The following TMEM184C variants were observed in gnomAD, a reference collection of about 807,000 sequenced individuals.
TMEM184C encodes the protein transmembrane protein 34.
Under a neutral mutation model 54.5 loss-of-function variants are expected in TMEM184C, and 25 were observed. That is an observed-to-expected ratio of 0.46 (90% CI 0.33 to 0.64). The LOEUF (loss-of-function observed/expected upper bound fraction) is 0.64. TMEM184C is among the 30% of genes least tolerant of loss of function. The pLI is 0.02. For synonymous variants in TMEM184C, 148 were observed against 181.5 expected, an observed-to-expected ratio of 0.82 and a Z score of 1.49; for missense variants, 335 against 520.3, an observed-to-expected ratio of 0.64 and a Z score of 3.46.
At chr4:147,629,180 C>T (rs1310528084) in intron 5 of TMEM184C, among the ~76,000 whole-genome samples, 1 of 151,962 alleles carries the variant, frequency 6.6e-6, no homozygotes, top group African/African-American at 2.4e-5. Flanking sequence ...ATAAAATTTA[C>T]CTCCAAGACA....
chr4:147,625,020 T>A lies in TMEM184C; in HGVS notation c.497+11T>A. 6.2e-7 allele frequency: 1 copy of A among 1,612,996 alleles called. No individual in the cohort carries two copies. Among genetic ancestry groups the A allele is most frequent in the Non-Finnish European group, 8.5e-7 (1 of 1,179,434 alleles). On this transcript the variant is annotated intron_variant, in intron 4 of 9. Coordinates refer to ENST00000296582, the MANE Select transcript of TMEM184C (RefSeq NM_018241.3). The stretch of plus-strand genomic sequence containing the variant: ...ATGGGCTATGGGAGAGTAAGTATGT[T>A]TGGTTTAATTCTTTTATGTTTTGGT...
chr4:147,625,150 C>A (rs1732789793), intron 4 of TMEM184C, 141 bp downstream of exon 4: 1 of 749,128 alleles, frequency 1.3e-6, no homozygotes, highest in Non-Finnish European at 2.1e-6. Context: ...TGATGCAGTT[C>A]ATAGTTGTTT....
At position 147,617,917 on chromosome 4, in the gene TMEM184C, A is replaced by G. The variant is rs1193771246; in HGVS notation, c.-40A>G. On this transcript the variant is annotated 5_prime_UTR_variant, in exon 1 of 10. Coordinates refer to ENST00000296582, the MANE Select transcript of TMEM184C (RefSeq NM_018241.3). ...GGCTCCCCATTACAATCTTTTCGAG[A>G]TCTTTTCCCTTGCTAACCGGATCTG... The G allele has an allele frequency of 2.5e-6, 4 of 1,612,172 alleles. No individual in the cohort carries two copies. Among genetic ancestry groups the G allele is most frequent in the Admixed American group, 3.3e-5 (2 of 59,982 alleles).
rs1413756503 is a variant in TMEM184C at position 147,623,882 on chromosome 4, T to C, written c.172T>C (p.Leu58=). 1.2e-6 allele frequency: 2 copies of C among 1,614,060 alleles called. No homozygotes were observed. The highest frequency in any genetic ancestry group is 1.1e-5 in the South Asian group (1 of 91,076). ...AWFIAGIFLL[L]TIPISLWVIL... ...GTTTATTGCTGGAATCTTTTTGCTG[T>C]TGACTATTCCTATATCACTGTGGGT... is the stretch of plus-strand genomic sequence containing the variant. The change falls in exon 2 of 10, where the codon TTG becomes CTG. Residue 58 remains leucine, a synonymous_variant. Transcript: ENST00000296582.
intron 5 of TMEM184C, among the ~76,000 whole-genome samples, chr4:147,629,157 G>A (rs1486375303): frequency 6.6e-6 from 1 of 152,010 alleles, no homozygotes; most frequent in East Asian, 1.9e-4. Context: ...TACTTGAGGG[G>A]ATCTGGGTCT....
chr4:147,624,360 T>C lies in TMEM184C; in HGVS notation c.291+262T>C, dbSNP rs116746187. 4.8e-3 allele frequency among the ~76,000 whole-genome samples: 727 copies of C among 150,200 alleles called. 4 individuals are homozygous for C. The highest frequency in any genetic ancestry group is 8.3e-3 in the Non-Finnish European group (565 of 67,998). On this transcript the variant is annotated intron_variant, in intron 3 of 9. Transcript: ENST00000296582. Reference sequence around the variant, plus strand: ...AAGAATGTAATATTTTAAATTAATATACTACTCTTTTTATTTATTACGTCT... The same window carrying C: ...AAGAATGTAATATTTTAAATTAATACACTACTCTTTTTATTTATTACGTCT...
chr4:147,623,732 C>G lies in TMEM184C; in HGVS notation c.124-102C>G. 3.5e-6 allele frequency: 4 copies of G among 1,146,468 alleles called. No homozygotes were observed. In the East Asian group the frequency reaches 7.5e-5, roughly 21 times the overall value. The allele number at this position is 1,146,468 out of a possible 1,614,324, so 71.0% of individuals were successfully genotyped here. On this transcript the variant is annotated intron_variant, in intron 1 of 9. Coordinates refer to ENST00000296582, the MANE Select transcript of TMEM184C (RefSeq NM_018241.3). ...GCCTCAAGCGATCCTCCCACCTCGG[C>G]CTCCCCAAGTGCTAGGATTATAGGC...
chr4:147,617,855 C>T lies in TMEM184C; in HGVS notation c.-102C>T. The T allele has an allele frequency of 6.5e-7, 1 of 1,550,220 alleles. No homozygotes were observed. Among genetic ancestry groups the T allele is most frequent in the Non-Finnish European group, 8.8e-7 (1 of 1,130,340 alleles). ...GTAAAGTCGCCCGACAGCTTTTTCT[C>T]CGTAGTATGCGAGTTGACAAAACAG... On this transcript the variant is annotated 5_prime_UTR_variant, in exon 1 of 10. Coordinates refer to ENST00000296582, the MANE Select transcript of TMEM184C (RefSeq NM_018241.3).
At chr4:147,633,225 C>T (rs1306310606) in intron 8 of TMEM184C, among the ~76,000 whole-genome samples, 1 of 152,020 alleles carries the variant, frequency 6.6e-6, no homozygotes, top group African/African-American at 2.4e-5. Flanking sequence ...TCTCTTTCCA[C>T]ATTTCTCCTT....
chr4:147,621,435 G>A (rs1289328730), intron 1 of TMEM184C, among the ~76,000 whole-genome samples: 1 of 151,966 alleles, frequency 6.6e-6, no homozygotes, highest in Admixed American at 6.6e-5. Context: ...TCAACTCATG[G>A]CTGATAAAGA....
chr4:147,625,012 A>C lies in TMEM184C; in HGVS notation c.497+3A>C, dbSNP rs762878753. On this transcript the variant is annotated splice_donor_region_variant and intron_variant, in intron 4 of 9. Transcript: ENST00000296582. ...TGTCCACCATGGGCTATGGGAGAGTAAGTATGTTTGGTTTAATTCTTTTAT... is the reference window on the plus strand; with the variant it reads ...TGTCCACCATGGGCTATGGGAGAGTCAGTATGTTTGGTTTAATTCTTTTAT... 1 of 1,613,230 alleles carries C rather than the reference A, an allele frequency of 6.2e-7. No homozygotes were observed. Among genetic ancestry groups the C allele is most frequent in the Non-Finnish European group, 8.5e-7 (1 of 1,179,588 alleles).
chr4:147,634,454 T>C lies in TMEM184C; in HGVS notation c.*20T>C, dbSNP rs748130288. 6.2e-7 allele frequency: 1 copy of C among 1,609,796 alleles called. No homozygotes were observed. The highest frequency in any genetic ancestry group is 2.2e-5 in the East Asian group (1 of 44,836). On this transcript the variant is annotated 3_prime_UTR_variant, in exon 10 of 10. Transcript: ENST00000296582. ...TCCTGAACAGTATGGAAAAGCAAAC[T>C]GTGCAACTACTACATTATATCATTA...
chr4:147,634,138 CTT>C (rs1470618908), intron 9 of TMEM184C, 29 bp from the exon 10 acceptor site: 1 of 1,590,978 alleles, frequency 6.3e-7, no homozygotes, highest in East Asian at 2.2e-5. Flanking sequence ...GTAAAAATAA[CTT>C]TTGACTAACA....
At chr4:147,633,089 G>A in intron 8 of TMEM184C, 87 bp downstream of exon 8, 3 of 1,096,616 alleles carry the variant, frequency 2.7e-6, no homozygotes, top group South Asian at 1.4e-5. Flanking sequence ...CAACACACAG[G>A]GTATGGGGCT....
At position 147,626,527 on chromosome 4, in the gene TMEM184C, A is replaced by G. The variant is rs141678339; in HGVS notation, c.497+1518A>G. 1.7e-3 allele frequency among the ~76,000 whole-genome samples: 253 copies of G among 152,348 alleles called. 1 individual carries two copies. Among genetic ancestry groups the G allele is most frequent in the Middle Eastern group, 3.4e-3 (1 of 294 alleles). On this transcript the variant is annotated intron_variant, in intron 4 of 9. Coordinates refer to ENST00000296582, the MANE Select transcript of TMEM184C (RefSeq NM_018241.3). ...AGACATACAACATAAGAATGGGTGCATTGCCTCCTATGCAGTACAGGACCA... is the reference window on the plus strand; with the variant it reads ...AGACATACAACATAAGAATGGGTGCGTTGCCTCCTATGCAGTACAGGACCA...
Position 147,634,353 on chromosome 4 carries a change from C to CA in TMEM184C, c.1237dup (p.Thr413AsnfsTer3), listed in dbSNP as rs753992313. ...CTGTGACTCCCCAGACTACACCTAC[C>CA]ACAGCTAAGATATCTGATGAAATCC... On this transcript the variant is annotated frameshift_variant, in exon 10 of 10. Transcript: ENST00000296582. LOFTEE classifies it low-confidence loss of function (END_TRUNC). The CA allele has an allele frequency of 1.2e-6, 2 of 1,614,140 alleles. No homozygotes were observed. The highest frequency in any genetic ancestry group is 1.7e-6 in the Non-Finnish European group (2 of 1,180,018).
At chr4:147,630,357 A>G (rs879449930) in intron 6 of TMEM184C, among the ~76,000 whole-genome samples, 5 of 152,064 alleles carry the variant, frequency 3.3e-5, no homozygotes, top group Non-Finnish European at 7.4e-5. Flanking sequence ...TTAAATGTCC[A>G]TGTAGCTAAA....
In TMEM184C at chr4:147,633,310, A is replaced by T. The variant is rs546680616; in HGVS notation, c.879+308A>T. Among the ~76,000 whole-genome samples, 3 of 151,900 alleles carry T rather than the reference A, an allele frequency of 2.0e-5. No individual in the cohort carries two copies. In the South Asian group the frequency reaches 6.2e-4, roughly 32 times the overall value. On this transcript the variant is annotated intron_variant, in intron 8 of 9. Coordinates refer to ENST00000296582, the MANE Select transcript of TMEM184C (RefSeq NM_018241.3). ...AATGTACTTTGCTAAGAAATACTTG[A>T]GGCTGGCCTGGTGCAGTGACTCACG...
intron 7 of TMEM184C, 143 bp from the exon 8 acceptor site, chr4:147,632,760 A>G: frequency 1.8e-6 from 1 of 559,322 alleles, no homozygotes; most frequent in Non-Finnish European, 3.2e-6. Context: ...TTTAACATAG[A>G]GTTTCTTCAG....
Sources: gnomAD v4.1 joint callset for allele counts (sites outside exome capture counted in the v4.1 genomes callset) on GRCh38, gnomAD v4.1.1 for gene constraint, MANE v1.5 for transcripts, NCBI Gene and HGNC (gene_info 2026-07-23, HGNC 2026-07-21) for gene names.